The following RASSF8 variants were observed in gnomAD, a reference collection of about 807,000 sequenced individuals.
The protein encoded by RASSF8 is ras association domain-containing protein 8.
A neutral mutation model predicts 48.5 loss-of-function variants in RASSF8; 22 were observed. The ratio of observed to expected loss-of-function variants is 0.45; its 90% CI spans 0.32 to 0.65. The LOEUF is 0.65. RASSF8 is among the 30% of genes least tolerant of loss of function. The probability of loss-of-function intolerance (pLI) is 0.03; values close to 1 mark genes in which losing one functional copy is unlikely to be tolerated. For missense variants in RASSF8, 418 were observed against 489.2 expected, an observed-to-expected ratio of 0.85 and a Z score of 1.37; for synonymous variants, 127 against 171.5, an observed-to-expected ratio of 0.74 and a Z score of 2.03.
chr12:25,973,959 A>G (rs183128190), intron 1 of RASSF8: 1 of 152,306 alleles, frequency 6.6e-6, no homozygotes, highest in African/African-American at 2.4e-5. Context: ...CGGCTGCTGT[A>G]AATTTCTCTA....
At position 26,068,898 on chromosome 12, in the gene RASSF8, A is replaced by G; in HGVS notation, c.*80A>G. 1 of 1,508,902 alleles carries G rather than the reference A, an allele frequency of 6.6e-7. No individual in the cohort carries two copies. The highest frequency in any genetic ancestry group is 8.8e-7 in the Non-Finnish European group (1 of 1,132,516). 93.5% of individuals were successfully genotyped at this position (1,508,902 alleles called of 1,614,324 possible). ...CCTTTTTGATTTGTGCCAATGATGA[A>G]CAGAGGATCTATTCCACAAGACGCT... On this transcript the variant is annotated 3_prime_UTR_variant, in exon 6 of 6. Transcript: ENST00000689635.
chr12:25,987,076 A>G (rs960561292), intron 1 of RASSF8, among the ~76,000 whole-genome samples: 13 of 152,320 alleles, frequency 8.5e-5, no homozygotes, highest in African/African-American at 3.1e-4. Context: ...CTGGGATTAT[A>G]GGCATGTGCC....
At chr12:25,978,159 A>T (rs1272667435) in intron 1 of RASSF8, among the ~76,000 whole-genome samples, 2 of 152,180 alleles carry the variant, frequency 1.3e-5, no homozygotes, top group African/African-American at 4.8e-5. Context: ...ACAATTTTTT[A>T]AAAAACCATA....
intron 2 of RASSF8, among the ~76,000 whole-genome samples, chr12:26,039,072 T>C (rs559875741): frequency 6.6e-6 from 1 of 152,326 alleles, no homozygotes; most frequent in East Asian, 1.9e-4. Flanking sequence ...TGGATGTTCC[T>C]TGTGATTGGG....
At chr12:26,066,044 AAG>A (rs1943866419) in intron 4 of RASSF8, among the ~76,000 whole-genome samples, 2 of 152,244 alleles carry the variant, frequency 1.3e-5, no homozygotes, top group Admixed American at 1.3e-4. Context: ...TGGGACGAGA[AAG>A]AGACACAATT....
At chr12:26,061,356 A>T (rs1034922328) in intron 3 of RASSF8, among the ~76,000 whole-genome samples, 1 of 152,158 alleles carries the variant, frequency 6.6e-6, no homozygotes, top group African/African-American at 2.4e-5. Flanking sequence ...TCAGTCATTC[A>T]ATAAGATCTC....
At chr12:25,990,241 C>T (rs1195515335) in intron 1 of RASSF8, among the ~76,000 whole-genome samples, 1 of 152,156 alleles carries the variant, frequency 6.6e-6, no homozygotes, top group Non-Finnish European at 1.5e-5. Flanking sequence ...ATGAAGGCTT[C>T]CTGGATATCC....
chr12:26,001,617 G>A (rs1336353781), intron 2 of RASSF8, among the ~76,000 whole-genome samples: 1 of 151,552 alleles, frequency 6.6e-6, no homozygotes, highest in Non-Finnish European at 1.5e-5. Flanking sequence ...TTTTAGCCTA[G>A]GTCTACACAG....
Position 26,072,265 on chromosome 12 carries a change from C to T in RASSF8, c.*3447C>T, listed in dbSNP as rs1944014883. ...CAGTTTTTTAAGTTGCATGTTTATACTATTTGCTACAGTATTTTTAAGTTT... is the reference window on the plus strand; with the variant it reads ...CAGTTTTTTAAGTTGCATGTTTATATTATTTGCTACAGTATTTTTAAGTTT... On this transcript the variant is annotated 3_prime_UTR_variant, in exon 6 of 6. Transcript: ENST00000689635. 1.0e-6 allele frequency: 1 copy of T among 978,200 alleles called. No individual in the cohort carries two copies. Among genetic ancestry groups the T allele is most frequent in the Non-Finnish European group, 1.2e-6 (1 of 823,510 alleles). 60.6% of individuals were successfully genotyped at this position (978,200 alleles called of 1,614,324 possible).
chr12:25,963,059 A>G (rs897606787), intron 1 of RASSF8, among the ~76,000 whole-genome samples: 6 of 152,206 alleles, frequency 3.9e-5, no homozygotes, highest in Non-Finnish European at 7.3e-5. Flanking sequence ...AGAGCGTCAC[A>G]TGATAACACG....
In RASSF8 at chr12:25,968,196, A is replaced by G. The variant is rs1055113243; in HGVS notation, c.-203+9048A>G. On this transcript the variant is annotated intron_variant, in intron 1 of 5. Transcript: ENST00000689635. ...GAAACGTTTCATGCCACAGGCATCC[A>G]TATCTTAATTGCCTAAACCAGTGGA... Among the ~76,000 whole-genome samples, 30 of 152,168 alleles carry G rather than the reference A, an allele frequency of 2.0e-4. 1 individual carries two copies. The highest frequency in any genetic ancestry group is 4.4e-5 in the Non-Finnish European group (3 of 68,038).
chr12:25,970,089 C>T (rs1384698461), intron 1 of RASSF8, among the ~76,000 whole-genome samples: 6 of 149,708 alleles, frequency 4.0e-5, no homozygotes, highest in African/African-American at 7.5e-5. Flanking sequence ...TCTTCCTGTA[C>T]GACCCCACTT....
At chr12:25,960,606 A>G (rs1009738723) in intron 1 of RASSF8, among the ~76,000 whole-genome samples, 3 of 152,240 alleles carry the variant, frequency 2.0e-5, no homozygotes, top group African/African-American at 4.8e-5. Flanking sequence ...TCAAGGATCA[A>G]GTACAACAAA....
At chr12:25,987,901 G>C (rs547345750) in intron 1 of RASSF8, among the ~76,000 whole-genome samples, 28 of 151,988 alleles carry the variant, frequency 1.8e-4, no homozygotes, top group Non-Finnish European at 3.7e-4. Flanking sequence ...ACCCAGGCTG[G>C]AGTGCAGTGG....
intron 2 of RASSF8, among the ~76,000 whole-genome samples, chr12:26,022,630 A>T (rs374497125): frequency 4.6e-5 from 7 of 152,348 alleles, no homozygotes; most frequent in Admixed American, 2.6e-4. Flanking sequence ...GAATATTGGT[A>T]AATAGATAGA....
At chr12:26,064,389 A>T in intron 3 of RASSF8, 109 bp from the exon 4 acceptor site, 2 of 1,086,112 alleles carry the variant, frequency 1.8e-6, no homozygotes, top group Non-Finnish European at 2.6e-6. Context: ...CTCAAACTTG[A>T]CCCTCTGATG....
intron 2 of RASSF8, among the ~76,000 whole-genome samples, chr12:26,007,067 A>G (rs893957645): frequency 4.6e-5 from 7 of 152,054 alleles, no homozygotes; most frequent in African/African-American, 7.2e-5. Flanking sequence ...GGAGAGAGGA[A>G]GTGCTTTAGG....
At chr12:25,979,736 T>A (rs893918816) in intron 1 of RASSF8, among the ~76,000 whole-genome samples, 1 of 152,192 alleles carries the variant, frequency 6.6e-6, no homozygotes, top group African/African-American at 2.4e-5. Flanking sequence ...TTAACTAACA[T>A]TCCATGCTGA....
intron 2 of RASSF8, among the ~76,000 whole-genome samples, chr12:26,038,270 G>A (rs1231663838): frequency 6.6e-6 from 1 of 152,146 alleles, no homozygotes; most frequent in South Asian, 2.1e-4. Flanking sequence ...CTGACTAGAT[G>A]AAATACAATG....
Sources: gnomAD v4.1 joint callset for allele counts (sites outside exome capture counted in the v4.1 genomes callset) on GRCh38, gnomAD v4.1.1 for gene constraint, MANE v1.5 for transcripts, NCBI Gene and HGNC (gene_info 2026-07-23, HGNC 2026-07-21) for gene names.